Variants in NPAS3 observed in about 807,000 individuals in gnomAD.
The protein encoded by NPAS3 is neuronal PAS domain protein 3.
NPAS3 carries 14 observed loss-of-function variants against 73.1 expected under a neutral mutation model. The ratio of observed to expected loss-of-function variants is 0.19; its 90% CI spans 0.13 to 0.30. The LOEUF (loss-of-function observed/expected upper bound fraction) is 0.30, where lower values mean the gene tolerates loss of function less well. NPAS3 is among the 10% of genes least tolerant of loss of function. The pLI, the probability that NPAS3 is intolerant of heterozygous loss-of-function variation, is 1.00. For synonymous variants in NPAS3, 620 were observed against 541.5 expected (o/e 1.14, Z -2.01); for missense variants, 1,096 against 1,250.0 (o/e 0.88, Z 1.86).
intron 2 of NPAS3, among the ~76,000 whole-genome samples, chr14:33,177,046 AT>A (rs1437092437): frequency 6.8e-6 from 1 of 147,470 alleles, no homozygotes; most frequent in Non-Finnish European, 1.5e-5. Flanking sequence ...CAGATTCTTT[AT>A]TTTTTAATTA....
chr14:33,258,801 A>G (rs8022373), intron 3 of NPAS3, among the ~76,000 whole-genome samples: 89,349 of 151,922 alleles, frequency 0.59, 26,903 homozygotes, highest in Admixed American at 0.7. Flanking sequence ...TTTATCATAA[A>G]TAGCTGTAGC....
rs7146143 is a variant in NPAS3, at chr14:33,369,037, T to C, written c.468+1769T>C. 9.1e-3 allele frequency among the ~76,000 whole-genome samples: 1,378 copies of C among 152,244 alleles called. 24 individuals carry two copies. The highest frequency in any genetic ancestry group is 0.031 in the African/African-American group (1,298 of 41,542). On this transcript the variant is annotated intron_variant, in intron 4 of 11. Transcript: ENST00000356141. The stretch of plus-strand genomic sequence containing the variant: ...TAAGGTGTCTCAGTAATTGCAGTAA[T>C]TTAAAACTAACACAAACTTAGGAGT...
chr14:33,017,950 A>G (rs188518412), intron 1 of NPAS3, among the ~76,000 whole-genome samples: 1 of 152,322 alleles, frequency 6.6e-6, no homozygotes, highest in East Asian at 1.9e-4. Context: ...CATAAAATTG[A>G]TCTAAATGTT....
chr14:33,004,880 C>T (rs1043705717), intron 1 of NPAS3, among the ~76,000 whole-genome samples: 8 of 123,104 alleles, frequency 6.5e-5, no homozygotes, highest in Non-Finnish European at 1.3e-4. Flanking sequence ...CAAACCTTCA[C>T]ATTAACGTAG....
chr14:33,677,682 A>G (rs1173470943), intron 6 of NPAS3, among the ~76,000 whole-genome samples: 2 of 152,014 alleles, frequency 1.3e-5, no homozygotes, highest in Non-Finnish European at 2.9e-5. Context: ...CATTTTCCTC[A>G]CTGAAGTTAA....
chr14:33,119,605 C>T (rs547672428), intron 2 of NPAS3, among the ~76,000 whole-genome samples: 2 of 152,212 alleles, frequency 1.3e-5, no homozygotes, highest in Admixed American at 6.5e-5. Context: ...AAAAGGGGAA[C>T]TGGTGCTTTT....
intron 5 of NPAS3, among the ~76,000 whole-genome samples, chr14:33,595,566 T>G (rs2057211328): frequency 6.6e-6 from 1 of 152,180 alleles, no homozygotes; most frequent in Non-Finnish European, 1.5e-5. Flanking sequence ...AATTGTTTTA[T>G]GATTTGATAA....
chr14:33,485,957 C>T (rs928579391), intron 4 of NPAS3, among the ~76,000 whole-genome samples: 14 of 151,846 alleles, frequency 9.2e-5, no homozygotes, highest in Non-Finnish European at 7.4e-5. Context: ...TGTGAGTGGC[C>T]GCCTGCACTC....
At chr14:33,373,483 A>T (rs947642448) in intron 4 of NPAS3, among the ~76,000 whole-genome samples, 1 of 152,020 alleles carries the variant, frequency 6.6e-6, no homozygotes, top group Non-Finnish European at 1.5e-5. Context: ...ATTGAAAGAT[A>T]GTCTTTATTC....
chr14:33,459,478 G>C (rs565205151), intron 4 of NPAS3, among the ~76,000 whole-genome samples: 8 of 152,314 alleles, frequency 5.3e-5, no homozygotes, highest in Admixed American at 2.0e-4. Context: ...CTGGAAATCT[G>C]CAGTAGAAAT....
intron 5 of NPAS3, among the ~76,000 whole-genome samples, chr14:33,564,398 A>T (rs911971530): frequency 1.1e-4 from 17 of 151,898 alleles, no homozygotes; most frequent in African/African-American, 4.1e-4. Context: ...CTTCCACTGG[A>T]GTCCATATTC....
chr14:33,787,320 A>T (rs1331775216), intron 9 of NPAS3, among the ~76,000 whole-genome samples: 1 of 152,224 alleles, frequency 6.6e-6, no homozygotes, highest in African/African-American at 2.4e-5. Context: ...AAATTGACGC[A>T]TTCTAAATCA....
At chr14:33,769,290 C>T (rs946271120) in intron 7 of NPAS3, among the ~76,000 whole-genome samples, 5 of 152,182 alleles carry the variant, frequency 3.3e-5, no homozygotes, top group Admixed American at 6.5e-5. Context: ...CTCTTATTTT[C>T]GACTATCCCC....
chr14:32,969,522 T>G (rs1311317374), intron 1 of NPAS3, among the ~76,000 whole-genome samples: 4 of 152,250 alleles, frequency 2.6e-5, no homozygotes, highest in African/African-American at 9.6e-5. Context: ...TAAAAAGGTC[T>G]GGACCAAATC....
At chr14:33,251,889 T>C (rs1053942529) in intron 3 of NPAS3, among the ~76,000 whole-genome samples, 1 of 152,118 alleles carries the variant, frequency 6.6e-6, no homozygotes, top group African/African-American at 2.4e-5. Context: ...TTCTCTTTTT[T>C]TTAGAGGGGA....
At chr14:32,974,389 T>C (rs1273450713) in intron 1 of NPAS3, among the ~76,000 whole-genome samples, 3 of 152,166 alleles carry the variant, frequency 2.0e-5, no homozygotes, top group Admixed American at 1.3e-4. Flanking sequence ...ATAATGCTTT[T>C]GTAGTTCAGC....
chr14:33,754,908 C>T (rs905836041), intron 7 of NPAS3, among the ~76,000 whole-genome samples: 1 of 152,132 alleles, frequency 6.6e-6, no homozygotes, highest in Non-Finnish European at 1.5e-5. Context: ...AATGCCATGA[C>T]GTGTCTCATA....
chr14:33,774,495 A>T (rs1211514960), exon 8 of NPAS3: 11 of 1,614,210 alleles, frequency 6.8e-6, no homozygotes, highest in Non-Finnish European at 9.3e-6. Context: ...TCACTCGAGT[A>T]AATATGGACC....
rs916953785 is a variant in NPAS3 at position 33,769,756 on chromosome 14, C to CTTTTTTTTTTT, written c.853-4565_853-4555dup. 6.7e-4 allele frequency among the ~76,000 whole-genome samples: 55 copies of CTTTTTTTTTTT among 81,882 alleles called. 4 individuals carry two copies. The highest frequency in any genetic ancestry group is 1.2e-3 in the East Asian group (3 of 2,504). 53.7% of individuals were successfully genotyped at this position (81,882 alleles called of 152,430 possible). Reference sequence around the variant, plus strand: ...CCTGAAAGACTTGGATTTTTTTTTTCTTTTTTTTTTTTTTTTTTTTTTTTT... The same window carrying CTTTTTTTTTTT: ...CCTGAAAGACTTGGATTTTTTTTTTCTTTTTTTTTTTTTTTTTTTTTTTTTTTTTTTTTTTT... On this transcript the variant is annotated intron_variant, in intron 7 of 11. Coordinates refer to ENST00000356141, the Ensembl canonical transcript of NPAS3.
Sources: gnomAD v4.1 joint callset for allele counts (sites outside exome capture counted in the v4.1 genomes callset) on GRCh38, gnomAD v4.1.1 for gene constraint, MANE v1.5 for transcripts, NCBI Gene and HGNC (gene_info 2026-07-23, HGNC 2026-07-21) for gene names.